The following FLNA variants were observed in gnomAD, a reference collection of about 807,000 sequenced individuals.
FLNA encodes the protein filamin-A.
Under a neutral mutation model 157.6 loss-of-function variants are expected in FLNA, and 7 were observed. That is an observed-to-expected ratio of 0.04 (90% CI 0.03 to 0.08). FLNA has a LOEUF of 0.08. Among genes scored for constraint, FLNA ranks in the 10% least tolerant of loss-of-function variants. FLNA has a pLI of 1.00. For synonymous variants in FLNA, 1,103 were observed against 1,060.8 expected (o/e 1.04, Z -0.77); for missense variants, 1,750 against 2,398.4 (o/e 0.73, Z 5.65).
At position 154,358,449 on chromosome X, in the gene FLNA, G is replaced by A. The variant is rs782563345; in HGVS notation, c.4594C>T (p.Arg1532Trp). 5.9e-5 allele frequency: 71 copies of A among 1,209,481 alleles called. No individual in the cohort carries two copies. In the Admixed American group the frequency reaches 9.6e-4, roughly 16 times the overall value. Residue 1532 changes from arginine (R) to tryptophan (W), a missense_variant, in exon 27 of 48, where the codon CGG (arginine) becomes TGG (tryptophan). Around this residue, in one of 5 missense-constraint regions of FLNA, gnomAD observed 970 missense variants for 1,302.6 expected, o/e 0.74. Transcript: ENST00000369850. ...SVLYGDEEVP[R>W]SPFKVKVLPT... ...GCAGCAGGCCCTGCCTCTTACCTCC[G>A]GGGTACCTCTTCATCTCCATACAGT...
rs782243311 is a variant in FLNA, at chrX:154,348,765, T to G, written c.*84A>C. On this transcript the variant is annotated 3_prime_UTR_variant, in exon 48 of 48. Coordinates refer to ENST00000369850, the MANE Select transcript of FLNA (RefSeq NM_001110556.2). The stretch of plus-strand genomic sequence containing the variant: ...TGACAGGCGGGCGGCCAGGGCGGCC[T>G]GGGCCGGGGTTGAGGGGAAGAGGGC... The G allele has an allele frequency of 0.13, 127,190 of 982,339 alleles. 6,645 individuals are homozygous for G. Among genetic ancestry groups the G allele is most frequent in the African/African-American group, 0.28 (14,598 of 51,622 alleles). The allele number at this position is 982,339 out of a possible 1,213,427, so 81.0% of individuals were successfully genotyped here. A position where few individuals can be genotyped will look rare whatever the true frequency, so the allele number is the denominator to read the frequency against.
intron 15 of FLNA, 59 bp downstream of exon 15, chrX:154,363,963 A>G: frequency 8.6e-7 from 1 of 1,164,296 alleles, no homozygotes. Context: ...GAAATGGACG[A>G]ATCGTGTGCT....
chrX:154,358,980 T>C lies in FLNA; in HGVS notation c.4474+4A>G, dbSNP rs1603360728. On this transcript the variant is annotated splice_donor_region_variant and intron_variant, in intron 26 of 47. Coordinates refer to ENST00000369850, the MANE Select transcript of FLNA (RefSeq NM_001110556.2). ...CCCCTGGCTCCAGGCATGCAAACAC[T>C]CACCTTTGGGCCCTTGCACTTTGAC... 3.3e-6 allele frequency: 4 copies of C among 1,210,011 alleles called. No individual in the cohort carries two copies. The highest frequency in any genetic ancestry group is 4.5e-6 in the Non-Finnish European group (4 of 894,848).
intron 26 of FLNA, 148 bp from the exon 27 acceptor site, chrX:154,358,716 T>A (rs2067681333): frequency 1.3e-6 from 1 of 776,206 alleles, no homozygotes; most frequent in Non-Finnish European, 1.9e-6. Flanking sequence ...TGACCCCCTC[T>A]GGCACGAAAG....
In FLNA at chrX:154,358,567, G is replaced by C; in HGVS notation, c.4476C>G (p.Gly1492=). 8.3e-7 allele frequency: 1 copy of C among 1,209,104 alleles called. No individual in the cohort carries two copies. The change falls in exon 27 of 48, where the codon GGC becomes GGG. Residue 1492 remains glycine (G), a splice_region_variant and synonymous_variant. Coordinates refer to ENST00000369850, the MANE Select transcript of FLNA (RefSeq NM_001110556.2). The stretch of plus-strand genomic sequence containing the variant: ...CTACCACGTCCACTGGCTCCACCAG[G>C]CCTGGCCCCAGCCCCAGGGACAGAG... ...PLQVKVQGPK[G]LVEPVDVVDN...
Position 154,364,870 on chromosome X carries a change from C to A in FLNA, c.1779G>T (p.Lys593Asn), listed in dbSNP as rs1557178815. ...TAGCCTCCACCACAAAGTCTGCTGA[C>A]TTGCCAACGACGCCGCCCTCCAGCC... ...GPGLEGGVVG[K>N]SADFVVEAIG... The change falls in exon 12 of 48, where the codon AAG becomes AAT. Residue 593 changes from lysine (K) to asparagine (N), a missense_variant. Lys to Asn is a moderately conservative substitution (Grantham distance 94, BLOSUM62 0). Transcript: ENST00000369850. 4 of 1,211,861 alleles carry A rather than the reference C, an allele frequency of 3.3e-6. No individual in the cohort carries two copies. Among genetic ancestry groups the A allele is most frequent in the Non-Finnish European group, 1.1e-6 (1 of 895,634 alleles).
In FLNA at chrX:154,361,529, T is replaced by C; in HGVS notation, c.2986A>G (p.Lys996Glu). 2.5e-6 allele frequency: 3 copies of C among 1,211,393 alleles called. No individual in the cohort carries two copies. Among genetic ancestry groups the C allele is most frequent in the African/African-American group, 1.7e-5 (1 of 57,739 alleles). Residue 996 changes from lysine (K) to glutamate (E), a missense_variant, in exon 21 of 48, where the codon AAG (lysine) becomes GAG (glutamate). Physicochemically the swap from Lys to Glu is moderately conservative, Grantham distance 56. Coordinates refer to ENST00000369850, the MANE Select transcript of FLNA (RefSeq NM_001110556.2). ...GKDQEFTVKS[K>E]GAGGQGKVAS... ...ACTTTGCCTTGACCACCAGCACCCT[T>C]TGATTTGACTGTGAACTCCTGGTCT...
rs1569551769 is a variant in FLNA, at chrX:154,364,042, T to C, written c.2260A>G (p.Ile754Val). Residue 754 changes from isoleucine (I) to valine (V), a missense_variant, in exon 15 of 48, where the codon ATC becomes GTC. By Grantham distance (29) the Ile-to-Val change is conservative. Around this residue, in one of 5 missense-constraint regions of FLNA, gnomAD observed 648 missense variants for 805.8 expected, o/e 0.80. Transcript: ENST00000369850. ...CTCACCCTGAAGGGGCTGTTGGGGA[T>C]GCTGACGCCTCCCCAGGACACCATG... ...TAMVSWGGVS[I>V]PNSPFRVNVG... is the part of the protein sequence containing the mutation. 2 of 1,210,773 alleles carry C rather than the reference T, an allele frequency of 1.7e-6. No individual in the cohort carries two copies. Among genetic ancestry groups the C allele is most frequent in the Non-Finnish European group, 2.2e-6 (2 of 894,827 alleles).
In FLNA at chrX:154,364,361, A is replaced by C. The variant is rs1557178684; in HGVS notation, c.2034T>G (p.Arg678=). 8.3e-7 allele frequency: 1 copy of C among 1,209,422 alleles called. No individual in the cohort carries two copies. Among genetic ancestry groups the C allele is most frequent in the South Asian group, 1.8e-5 (1 of 56,932 alleles). The change falls in exon 14 of 48, where the codon CGT becomes CGG. Residue 678 remains arginine, a synonymous_variant. Transcript: ENST00000369850. ...CACCTGTCTTCTCCAATCCAGGCCC[A>C]CGTGCCTTCACCTAGCGGGAGACCA... ...QDFHPDRVKA[R]GPGLEKTGVA...
At chrX:154,349,076 C>A in intron 47 of FLNA, 40 bp from the exon 48 acceptor site, 1 of 1,133,388 alleles carries the variant, frequency 8.8e-7, no homozygotes, top group Non-Finnish European at 1.2e-6. Flanking sequence ...TCCCAGCCCC[C>A]TTCCTCCCGC....
intron 15 of FLNA, 28 bp from the exon 16 acceptor site, chrX:154,362,812 G>T: frequency 2.5e-6 from 3 of 1,181,516 alleles, no homozygotes; most frequent in African/African-American, 1.7e-5. Context: ...AAGGGCAAGG[G>T]CATGAGCAGC....
Position 154,358,477 on chromosome X carries a change from T to C in FLNA, c.4566A>G (p.Ser1522=). The C allele has an allele frequency of 1.7e-6, 2 of 1,208,650 alleles. No individual in the cohort carries two copies. Among genetic ancestry groups the C allele is most frequent in the East Asian group, 5.9e-5 (2 of 33,826 alleles). ...VPSREGPYSI[S]VLYGDEEVPR... Reference sequence around the variant, plus strand: ...GTACCTCTTCATCTCCATACAGTACTGAGATGCTGTAGGGCCCTTCTCGGC... The same window carrying C: ...GTACCTCTTCATCTCCATACAGTACCGAGATGCTGTAGGGCCCTTCTCGGC... Residue 1522 remains serine, a synonymous_variant, in exon 27 of 48, where the codon TCA becomes TCG. Coordinates refer to ENST00000369850, the MANE Select transcript of FLNA (RefSeq NM_001110556.2).
rs1557177262 is a variant in FLNA, at chrX:154,358,355, G to A, written c.4599C>T (p.Ser1533=). 4 of 1,211,572 alleles carry A rather than the reference G, an allele frequency of 3.3e-6. No homozygotes were observed. Among genetic ancestry groups the A allele is most frequent in the South Asian group, 3.5e-5 (2 of 57,041 alleles). The change falls in exon 28 of 48, where the codon AGC becomes AGT. Residue 1533 remains serine (S), a splice_region_variant and synonymous_variant. Transcript: ENST00000369850. The part of the protein sequence containing the change: ...VLYGDEEVPR[S]PFKVKVLPTH... ...TAGGCAGCACCTTGACCTTGAAGGG[G>A]CTGTGAGGGATTGGTGTTGTGAGCA...
Position 154,350,080 on chromosome X carries a change from G to A in FLNA, c.7284C>T (p.Asp2428=). The A allele has an allele frequency of 8.3e-7, 1 of 1,211,776 alleles. No homozygotes were observed. The highest frequency in any genetic ancestry group is 1.1e-6 in the Non-Finnish European group (1 of 895,445). Residue 2428 remains aspartate, a synonymous_variant, in exon 45 of 48, where the codon GAC becomes GAT. Transcript: ENST00000369850. The stretch of plus-strand genomic sequence containing the variant: ...CTCCGTAAGCAGACACCAAGCCTGG[G>A]TCCCCTCCATGCCCAGGCTCCCCAA... The part of the protein sequence containing the change: ...IRVGEPGHGG[D]PGLVSAYGAG...
At chrX:154,356,781 G>A (rs1487648985) in intron 30 of FLNA, among the ~76,000 whole-genome samples, 11 of 112,560 alleles carry the variant, frequency 9.8e-5, no homozygotes, top group African/African-American at 3.2e-4. Context: ...AGCCCCACCC[G>A]CTCATGCACC....
At position 154,371,324 on chromosome X, in the gene FLNA, T is replaced by A; in HGVS notation, c.-79A>T. The A allele has an allele frequency of 8.9e-7, 1 of 1,129,325 alleles. No individual in the cohort carries two copies. The highest frequency in any genetic ancestry group is 1.2e-6 in the Non-Finnish European group (1 of 846,357). The allele number at this position is 1,129,325 out of a possible 1,213,427, so 93.1% of individuals were successfully genotyped here. On this transcript the variant is annotated 5_prime_UTR_variant, in exon 2 of 48. Coordinates refer to ENST00000369850, the MANE Select transcript of FLNA (RefSeq NM_001110556.2). The stretch of plus-strand genomic sequence containing the variant: ...CCCTTTAATTAAAGTCGCAGGCACC[T>A]AGGCGCGCGGGAGGCGAGGCAGGGA...
intron 2 of FLNA, 109 bp downstream of exon 2, chrX:154,370,764 G>A: frequency 1.1e-6 from 1 of 881,413 alleles, no homozygotes; most frequent in East Asian, 3.4e-5. Flanking sequence ...GGCCTCGGGA[G>A]TTGCGCTGCG....
chrX:154,358,550 T>C lies in FLNA; in HGVS notation c.4493A>G (p.Asp1498Gly). 3.3e-6 allele frequency: 4 copies of C among 1,209,583 alleles called. No homozygotes were observed. Among genetic ancestry groups the C allele is most frequent in the Non-Finnish European group, 4.5e-6 (4 of 894,731 alleles). Reference protein sequence around the residue: ...QGPKGLVEPVDVVDNADGTQT... With the variant: ...QGPKGLVEPVGVVDNADGTQT... ...GGTGCCATCAGCGTTGTCTACCACG[T>C]CCACTGGCTCCACCAGGCCTGGCCC... The change falls in exon 27 of 48, where the codon GAC becomes GGC. Residue 1498 changes from aspartate to glycine, a missense_variant. Transcript: ENST00000369850.
rs782129435 is a variant in FLNA at position 154,364,495 on chromosome X, G to A, written c.2022+31C>T. The stretch of plus-strand genomic sequence containing the variant: ...AGACCCCAAGCAGGAGCAGCAGGGC[G>A]AGACTTAGGCCATCACAGCCTGCTC... On this transcript the variant is annotated intron_variant, in intron 13 of 47. Coordinates refer to ENST00000369850, the MANE Select transcript of FLNA (RefSeq NM_001110556.2). 1.1e-5 allele frequency: 13 copies of A among 1,201,082 alleles called. No individual in the cohort carries two copies. The Admixed American group carries it at 2.9e-4, about 26-fold the overall frequency.
Sources: allele counts gnomAD v4.1 joint callset (sites outside exome capture counted in the v4.1 genomes callset), GRCh38; gene constraint gnomAD v4.1.1; regional missense constraint gnomAD v4.1.1; transcripts MANE v1.5; gene names NCBI Gene and HGNC (gene_info 2026-07-23, HGNC 2026-07-21).